The following BARX2 variants were observed in gnomAD, a reference collection of about 807,000 sequenced individuals.
BARX2 encodes the protein BARX homeobox 2, also known as homeobox protein BarH-like 2.
In BARX2, 11 loss-of-function variants were observed where a neutral mutation model predicts 25.5. The ratio of observed to expected loss-of-function variants is 0.43; its 90% CI spans 0.27 to 0.71. The LOEUF is 0.71. Among genes scored for constraint, BARX2 ranks in the 30% least tolerant of loss-of-function variants. The pLI is 0.19. For missense variants in BARX2, 360 were observed against 359.9 expected (o/e 1.00, Z 0.00); for synonymous variants, 137 against 149.5 (o/e 0.92, Z 0.61).
At chr11:129,380,840 G>A (rs1861555792) in intron 1 of BARX2, among the ~76,000 whole-genome samples, 1 of 151,222 alleles carries the variant, frequency 6.6e-6, no homozygotes, top group East Asian at 1.9e-4. Context: ...CCAATAGCGG[G>A]ATCTTGGCTC....
At chr11:129,377,910 G>T (rs900600305) in intron 1 of BARX2, among the ~76,000 whole-genome samples, 2 of 152,196 alleles carry the variant, frequency 1.3e-5, no homozygotes, top group African/African-American at 4.8e-5. Flanking sequence ...AGAAGAAAAC[G>T]TGGCAGAAGA....
chr11:129,426,802 T>A (rs1862068605), intron 1 of BARX2, among the ~76,000 whole-genome samples: 1 of 111,116 alleles, frequency 9.0e-6, no homozygotes, highest in East Asian at 2.9e-4. Flanking sequence ...TTCTGTGGAT[T>A]TTTTTTTTTT....
At chr11:129,411,143 G>A (rs553233040) in intron 1 of BARX2, among the ~76,000 whole-genome samples, 22 of 152,100 alleles carry the variant, frequency 1.4e-4, no homozygotes, top group African/African-American at 4.6e-4. Flanking sequence ...AGGCCGAGGC[G>A]GGTGGATCAC....
At chr11:129,404,443 G>A (rs1861809056) in intron 1 of BARX2, among the ~76,000 whole-genome samples, 2 of 152,170 alleles carry the variant, frequency 1.3e-5, no homozygotes, top group Non-Finnish European at 2.9e-5. Flanking sequence ...GAAAACACAA[G>A]GGCATCAGTT....
At chr11:129,411,589 A>G (rs1285938754) in intron 1 of BARX2, among the ~76,000 whole-genome samples, 1 of 152,168 alleles carries the variant, frequency 6.6e-6, no homozygotes, top group African/African-American at 2.4e-5. Flanking sequence ...AGTTAGAGAA[A>G]AAGGGTTTAC....
chr11:129,441,179 C>T (rs1044843404), intron 2 of BARX2, among the ~76,000 whole-genome samples: 2 of 152,298 alleles, frequency 1.3e-5, no homozygotes, highest in Middle Eastern at 6.8e-3. Flanking sequence ...TTTGCTGCTT[C>T]CTGGGATGAA....
At chr11:129,385,957 G>A (rs1199375174) in intron 1 of BARX2, among the ~76,000 whole-genome samples, 1 of 152,144 alleles carries the variant, frequency 6.6e-6, no homozygotes, top group Non-Finnish European at 1.5e-5. Context: ...GTCTCACAGT[G>A]GGAAACTGAG....
chr11:129,426,807 T>C (rs183881558), intron 1 of BARX2, among the ~76,000 whole-genome samples: 8 of 152,306 alleles, frequency 5.3e-5, no homozygotes, highest in Non-Finnish European at 8.8e-5. Flanking sequence ...TGGATTTTTT[T>C]TTTTTTAACA....
rs550514811 is a variant in BARX2 at position 129,384,232 on chromosome 11, T to TC, written c.187+8010_187+8011insC. Among the ~76,000 whole-genome samples the TC allele has an allele frequency of 8.6e-3, 985 of 114,322 alleles. 14 individuals carry two copies. Among genetic ancestry groups the TC allele is most frequent in the African/African-American group, 0.031 (947 of 30,614 alleles). The allele number at this position is 114,322 out of a possible 152,430, so 75.0% of individuals were successfully genotyped here. A position where few individuals can be genotyped will look rare whatever the true frequency, so the allele number is the denominator to read the frequency against. On this transcript the variant is annotated intron_variant, in intron 1 of 3. Coordinates refer to ENST00000281437, the MANE Select transcript of BARX2 (RefSeq NM_003658.5). The stretch of plus-strand genomic sequence containing the variant: ...AGGTGATGTCAGATCATTTCTGATC[T>TC]TTTTTTTTTTTTAAAAAACCAACAT...
At chr11:129,415,108 A>G (rs1453305897) in intron 1 of BARX2, among the ~76,000 whole-genome samples, 2 of 151,890 alleles carry the variant, frequency 1.3e-5, no homozygotes, top group Non-Finnish European at 2.9e-5. Flanking sequence ...CTTTCCCCCC[A>G]TTATAAACTT....
intron 1 of BARX2, among the ~76,000 whole-genome samples, chr11:129,424,653 G>GT (rs571242747): frequency 2.6e-5 from 4 of 152,206 alleles, no homozygotes; most frequent in Admixed American, 6.5e-5. Flanking sequence ...TAAATAATTA[G>GT]TTTTTTTGAG....
In BARX2 at chr11:129,376,164, C is replaced by T. The variant is rs780436187; in HGVS notation, c.129C>T (p.Ser43=). ...CCTGCGATTACTTTGAGAAACTTTC[C>T]CTCTACTCCGTGTGCCCGTCGCTGG... ...KETCDYFEKL[S]LYSVCPSLVV... Residue 43 remains serine, a synonymous_variant, in exon 1 of 4, where the codon TCC becomes TCT. Coordinates refer to ENST00000281437, the MANE Select transcript of BARX2 (RefSeq NM_003658.5). The surrounding 1 kb of genome is among the most constrained non-coding windows in gnomAD (Gnocchi z 4.2). 2.5e-6 allele frequency: 4 copies of T among 1,613,508 alleles called. No individual in the cohort carries two copies. Among genetic ancestry groups the T allele is most frequent in the Non-Finnish European group, 3.4e-6 (4 of 1,179,724 alleles).
chr11:129,439,126 T>C (rs1483165373), intron 2 of BARX2, among the ~76,000 whole-genome samples: 1 of 152,026 alleles, frequency 6.6e-6, no homozygotes, highest in African/African-American at 2.4e-5. Context: ...ACTTACATTT[T>C]AGAACTGTCT....
intron 1 of BARX2, among the ~76,000 whole-genome samples, chr11:129,384,905 C>T (rs1387487791): frequency 6.6e-6 from 1 of 152,146 alleles, no homozygotes; most frequent in African/African-American, 2.4e-5. Flanking sequence ...TTATCATCTC[C>T]TTTGGTAATG....
At chr11:129,412,288 C>A (rs1051970634) in intron 1 of BARX2, among the ~76,000 whole-genome samples, 3 of 150,424 alleles carry the variant, frequency 2.0e-5, no homozygotes, top group South Asian at 2.1e-4. Context: ...AAAAAACAAA[C>A]AAAAAAAGAA....
chr11:129,421,320 A>G (rs570533580), intron 1 of BARX2, among the ~76,000 whole-genome samples: 6 of 152,322 alleles, frequency 3.9e-5, no homozygotes, highest in African/African-American at 1.4e-4. Context: ...ATTTATTCTT[A>G]ACAGCTTAAA....
chr11:129,444,681 T>C (rs1178724047), intron 3 of BARX2, among the ~76,000 whole-genome samples: 1 of 152,042 alleles, frequency 6.6e-6, no homozygotes, highest in African/African-American at 2.4e-5. Flanking sequence ...AGAGAGGTAA[T>C]GGAGAAGGTG....
intron 1 of BARX2, among the ~76,000 whole-genome samples, chr11:129,397,570 G>A (rs757607628): frequency 4.6e-5 from 7 of 152,148 alleles, no homozygotes; most frequent in Non-Finnish European, 7.3e-5. Flanking sequence ...AACACTTATC[G>A]TTTCAACTAG....
intron 1 of BARX2, among the ~76,000 whole-genome samples, chr11:129,406,268 C>T (rs1233754279): frequency 6.6e-6 from 1 of 152,212 alleles, no homozygotes; most frequent in African/African-American, 2.4e-5. Context: ...AATCCTACAG[C>T]AAGTTTCTTT....
Sources: gnomAD v4.1 joint callset for allele counts (sites outside exome capture counted in the v4.1 genomes callset) on GRCh38, gnomAD v4.1.1 for gene constraint, Gnocchi (gnomAD v3.1) non-coding constraint, MANE v1.5 for transcripts, NCBI Gene and HGNC (gene_info 2026-07-23, HGNC 2026-07-21) for gene names.